RNF212B: variants seen among roughly 807,000 people sequenced by gnomAD.
The protein encoded by RNF212B is E3 ubiquitin-protein ligase RNF212B.
Under a neutral mutation model 55.5 loss-of-function variants are expected in RNF212B, and 52 were observed. That is an observed-to-expected ratio of 0.94 (90% CI 0.75 to 1.18). The LOEUF (loss-of-function observed/expected upper bound fraction) is 1.18. RNF212B is among the 50% of genes most tolerant of loss of function. RNF212B has a pLI of 0.00. For missense variants in RNF212B, 289 were observed against 350.4 expected, an observed-to-expected ratio of 0.82 and a Z score of 1.40; for synonymous variants, 99 against 121.4, an observed-to-expected ratio of 0.82 and a Z score of 1.21.
At chr14:23,237,167 T>TCCC (rs1441953199), upstream of RNF212B, among the ~76,000 whole-genome samples, 14 of 151,354 alleles carry the variant, frequency 9.2e-5, no homozygotes, top group Non-Finnish European at 1.8e-4. Flanking sequence ...TCTCTCTCTG[T>TCCC]CTCCCAGGCT....
At chr14:23,271,442 CAA>C (rs1304859919) in intron 14 of RNF212B, among the ~76,000 whole-genome samples, 3 of 129,768 alleles carry the variant, frequency 2.3e-5, no homozygotes. Context: ...GACTCCATCT[CAA>C]AAAAAAAAAG....
chr14:23,194,595 C>T (rs960471472), intron 2 of RNF212B, among the ~76,000 whole-genome samples: 9 of 151,812 alleles, frequency 5.9e-5, no homozygotes, highest in Admixed American at 4.6e-4. Context: ...ATTATCTGGG[C>T]GTGGTAGCAC....
chr14:23,269,167 G>A (rs1042534819), intron 12 of RNF212B, among the ~76,000 whole-genome samples: 7 of 152,156 alleles, frequency 4.6e-5, no homozygotes, highest in Non-Finnish European at 1.0e-4. Context: ...AGCCGGGAGC[G>A]GTGTCACGTG....
At chr14:23,189,476 T>A (rs1235949601) in intron 1 of RNF212B, among the ~76,000 whole-genome samples, 1 of 152,092 alleles carries the variant, frequency 6.6e-6, no homozygotes, top group Admixed American at 6.6e-5. Context: ...ATTATTCCTG[T>A]CAGCATACAG....
At chr14:23,235,655 C>T (rs1284517976), upstream of RNF212B, among the ~76,000 whole-genome samples, 3 of 152,140 alleles carry the variant, frequency 2.0e-5, no homozygotes, top group African/African-American at 7.2e-5. Flanking sequence ...CAAATACTTA[C>T]CTGATGAGAT....
chr14:23,240,700 G>A (rs1251458466), intron 2 of RNF212B, among the ~76,000 whole-genome samples: 1 of 152,140 alleles, frequency 6.6e-6, no homozygotes, highest in Non-Finnish European at 1.5e-5. Flanking sequence ...TTGAAGTCTG[G>A]CAGGGAAAGC....
At chr14:23,240,297 T>C (rs1479319911) in intron 1 of RNF212B, 48 bp from the exon 2 acceptor site, 3 of 1,270,918 alleles carry the variant, frequency 2.4e-6, no homozygotes, top group Non-Finnish European at 3.3e-6. Context: ...CAGCTATAAT[T>C]ATGTTATTCT....
intron 4 of RNF212B, among the ~76,000 whole-genome samples, chr14:23,246,425 A>G (rs187701665): frequency 7.2e-5 from 11 of 152,154 alleles, no homozygotes; most frequent in Non-Finnish European, 1.0e-4. Context: ...AAAACTGTTG[A>G]TGTAGAAATC....
chr14:23,235,993 G>A (rs1381013869), upstream of RNF212B, among the ~76,000 whole-genome samples: 1 of 152,084 alleles, frequency 6.6e-6, no homozygotes, highest in Admixed American at 6.5e-5. Context: ...TATCTGAAAA[G>A]GCCATTTAAA....
intron 4 of RNF212B, among the ~76,000 whole-genome samples, chr14:23,254,946 A>G (rs1884711559): frequency 6.6e-6 from 1 of 152,222 alleles, no homozygotes; most frequent in Admixed American, 6.5e-5. Context: ...AAGTTTATAC[A>G]AGGCTGTTGG....
Position 23,270,642 on chromosome 14 carries a change from TC to T in RNF212B, c.817del (p.Gln273SerfsTer45). On this transcript the variant is annotated frameshift_variant, in exon 14 of 15. Transcript: ENST00000430154. LOFTEE classifies it high-confidence loss of function. ...ACTACACTAGAGAGTCTTCCTAGTT[TC>T]CAGCTACCAGTCCTGCAGGTGAGAC... Reference protein sequence around the residue: ...STTTLESLPSFQLPVLQTLYQ... With the variant: ...STTTLESLPSXQLPVLQTLYQ... 1 of 1,550,336 alleles carries T rather than the reference TC, an allele frequency of 6.5e-7. No homozygotes were observed. Among genetic ancestry groups the T allele is most frequent in the Non-Finnish European group, 8.7e-7 (1 of 1,146,400 alleles).
chr14:23,192,886 G>T (rs533422818), intron 1 of RNF212B, among the ~76,000 whole-genome samples: 1 of 152,138 alleles, frequency 6.6e-6, no homozygotes, highest in East Asian at 1.9e-4. Context: ...GAGGTCGGGA[G>T]TTTGAGACCA....
chr14:23,231,740 C>T (rs1315270559), intron 2 of RNF212B, among the ~76,000 whole-genome samples: 1 of 152,132 alleles, frequency 6.6e-6, no homozygotes, highest in African/African-American at 2.4e-5. Context: ...AACCTCCCTG[C>T]CTGATTCTCC....
chr14:23,246,710 G>T (rs976271320), intron 4 of RNF212B, among the ~76,000 whole-genome samples: 1 of 152,122 alleles, frequency 6.6e-6, no homozygotes, highest in Non-Finnish European at 1.5e-5. Context: ...TTACAGGTGT[G>T]AGCCACCATG....
chr14:23,215,834 C>T (rs907254882), intron 2 of RNF212B, among the ~76,000 whole-genome samples: 1 of 152,188 alleles, frequency 6.6e-6, no homozygotes, highest in Non-Finnish European at 1.5e-5. Flanking sequence ...TGTTGACTAT[C>T]CTTCTCCTAG....
At chr14:23,248,563 T>C (rs967752723) in intron 4 of RNF212B, among the ~76,000 whole-genome samples, 2 of 148,882 alleles carry the variant, frequency 1.3e-5, no homozygotes, top group Admixed American at 1.4e-4. Flanking sequence ...TGCCTCCACC[T>C]CCTGAGTAGC....
At chr14:23,208,482 A>G (rs1273892758) in intron 2 of RNF212B, among the ~76,000 whole-genome samples, 2 of 152,134 alleles carry the variant, frequency 1.3e-5, no homozygotes, top group Admixed American at 1.3e-4. Context: ...TGACAGAGTG[A>G]GATCCTATCT....
intron 2 of RNF212B, among the ~76,000 whole-genome samples, chr14:23,205,250 C>G (rs1032433001): frequency 6.6e-6 from 1 of 151,150 alleles, no homozygotes; most frequent in African/African-American, 2.4e-5. Context: ...TTGTTTTATA[C>G]AGAGCCTTTA....
intron 7 of RNF212B, chr14:23,261,411 A>C (rs1229247167): frequency 6.6e-6 from 1 of 152,364 alleles, no homozygotes; most frequent in Non-Finnish European, 1.5e-5. Context: ...TTTTAAGAGA[A>C]GTTACTATTT....
Sources: allele counts gnomAD v4.1 joint callset (sites outside exome capture counted in the v4.1 genomes callset), GRCh38; gene constraint gnomAD v4.1.1; transcripts MANE v1.5; gene names NCBI Gene and HGNC (gene_info 2026-07-23, HGNC 2026-07-21).